The following CPT1A variants were observed in gnomAD, a reference collection of about 807,000 sequenced individuals.
CPT1A encodes carnitine palmitoyltransferase 1A.
In CPT1A, 64 loss-of-function variants were observed where a neutral mutation model predicts 100.8. The ratio of observed to expected loss-of-function variants is 0.63; its 90% CI spans 0.52 to 0.78. The LOEUF is 0.78. Among genes scored for constraint, CPT1A ranks in the 30% least tolerant of loss-of-function variants. The pLI is 0.00. For synonymous variants in CPT1A, 363 were observed against 396.0 expected (o/e 0.92, Z 0.99); for missense variants, 802 against 1,034.1 (o/e 0.78, Z 3.08).
intron 1 of CPT1A, among the ~76,000 whole-genome samples, chr11:68,836,459 A>G (rs1857012242): frequency 6.6e-6 from 1 of 151,666 alleles, no homozygotes; most frequent in African/African-American, 2.4e-5. Flanking sequence ...CAGCTTGGGC[A>G]CCAAGGCAAG....
chr11:68,831,374 G>A (rs1279268717), intron 1 of CPT1A, among the ~76,000 whole-genome samples: 2 of 152,120 alleles, frequency 1.3e-5, no homozygotes, highest in African/African-American at 2.4e-5. Flanking sequence ...TTCAAAACAC[G>A]CCCAAGGAAA....
intron 18 of CPT1A, 87 bp from the exon 19 acceptor site, chr11:68,757,817 GT>G (rs1946721155): frequency 4.5e-6 from 5 of 1,122,132 alleles, no homozygotes; most frequent in Non-Finnish European, 6.7e-6. Flanking sequence ...CTGACCCAAT[GT>G]TTCATTGAAA....
upstream of CPT1A, among the ~76,000 whole-genome samples, chr11:68,843,851 G>C (rs1467479870): frequency 1.3e-5 from 2 of 152,164 alleles, no homozygotes; most frequent in Non-Finnish European, 2.9e-5. The surrounding 1 kb of genome is among the most constrained non-coding windows in gnomAD (Gnocchi z 4.0). Context: ...CCTTGCACGT[G>C]GGCCTTCGCG....
At chr11:68,832,021 G>A (rs939585010) in intron 1 of CPT1A, among the ~76,000 whole-genome samples, 1 of 152,162 alleles carries the variant, frequency 6.6e-6, no homozygotes, top group African/African-American at 2.4e-5. Flanking sequence ...ACTAGCATTA[G>A]ATCATTTAAT....
At chr11:68,766,036 T>A (rs2153995732) in intron 14 of CPT1A, among the ~76,000 whole-genome samples, 1 of 152,160 alleles carries the variant, frequency 6.6e-6, no homozygotes, top group East Asian at 1.9e-4. Flanking sequence ...CATACCTGGA[T>A]AATTTTTGTA....
chr11:68,823,508 G>A (rs968088286), intron 1 of CPT1A, among the ~76,000 whole-genome samples: 5 of 152,136 alleles, frequency 3.3e-5, no homozygotes, highest in African/African-American at 1.2e-4. Flanking sequence ...AATGAAATTG[G>A]CCGGGCACGG....
chr11:68,768,851 A>C (rs956169286), intron 14 of CPT1A, among the ~76,000 whole-genome samples: 14 of 152,116 alleles, frequency 9.2e-5, no homozygotes, highest in Admixed American at 8.5e-4. Flanking sequence ...CAGTCCTGCC[A>C]TGGGGCCCCT....
Position 68,794,903 on chromosome 11 carries a change from C to T in CPT1A, c.780G>A (p.Leu260=). Residue 260 remains leucine (L), a synonymous_variant, in exon 8 of 19, where the codon CTG becomes CTA. Transcript: ENST00000265641. ...VNSNYYAMDL[L]YILPTHIQAA... is the part of the protein sequence containing the mutation. ...CCTGAATGTGAGTTGGAAGGATATA[C>T]AGCAGATCCTGAAAAGCGACAAAGG... The T allele has an allele frequency of 1.2e-6, 2 of 1,614,002 alleles. No individual in the cohort carries two copies. Among genetic ancestry groups the T allele is most frequent in the Middle Eastern group, 1.6e-4 (1 of 6,062 alleles).
At chr11:68,770,011 G>A (rs1344460997) in intron 14 of CPT1A, among the ~76,000 whole-genome samples, 5 of 150,586 alleles carry the variant, frequency 3.3e-5, no homozygotes, top group Non-Finnish European at 7.4e-5. Context: ...AGTGAGCCGA[G>A]ATCGTGCCAC....
intron 2 of CPT1A, among the ~76,000 whole-genome samples, chr11:68,814,975 C>T (rs991831233): frequency 9.2e-5 from 14 of 152,194 alleles, no homozygotes; most frequent in African/African-American, 3.1e-4. Context: ...GTGTGAGCCA[C>T]TGCACCTGGC....
chr11:68,761,348 G>A (rs531172260), intron 16 of CPT1A, among the ~76,000 whole-genome samples, 187 bp downstream of exon 16: 5 of 151,404 alleles, frequency 3.3e-5, no homozygotes, highest in Non-Finnish European at 5.9e-5. Flanking sequence ...ATGTGACAGC[G>A]AAGTTTTTGA....
At chr11:68,794,754 T>C in intron 8 of CPT1A, 50 bp downstream of exon 8, 1 of 1,417,428 alleles carries the variant, frequency 7.1e-7, no homozygotes, top group Admixed American at 1.7e-5. Flanking sequence ...CAATTATACC[T>C]CTGTAAAGCT....
rs142361020 is a variant in CPT1A at position 68,773,886 on chromosome 11, C to T, written c.1576-457G>A. On this transcript the variant is annotated intron_variant, in intron 13 of 18. Coordinates refer to ENST00000265641, the MANE Select transcript of CPT1A (RefSeq NM_001876.4). ...GCACTGAGAGGCAAAATGGCGGCGT[C>T]TAACTGGACTATGAGCTTCCTCCAG... is the stretch of plus-strand genomic sequence containing the variant. 237 of 259,104 alleles carry T rather than the reference C, an allele frequency of 9.1e-4. 11 individuals are homozygous for T. The East Asian group carries it at 0.022, about 24-fold the overall frequency. 16.1% of individuals were successfully genotyped at this position (259,104 alleles called of 1,614,324 possible).
chr11:68,794,875 C>G lies in CPT1A; in HGVS notation c.808G>C (p.Ala270Pro). 6.2e-7 allele frequency: 1 copy of G among 1,614,174 alleles called. No homozygotes were observed. The highest frequency in any genetic ancestry group is 8.5e-7 in the Non-Finnish European group (1 of 1,180,032). The change falls in exon 8 of 19, where the codon GCA (alanine) becomes CCA (proline). Residue 270 changes from alanine to proline, a missense_variant. By Grantham distance (27) the Ala-to-Pro change is conservative. This residue lies in a region of CPT1A where 627 missense variants were observed against 799.3 expected (regional missense o/e 0.78). Transcript: ENST00000265641. Reference sequence around the variant, plus strand: ...GCATGGATGGCGTTGCCGGCTCTTGCTGCCTGAATGTGAGTTGGAAGGATA... The same window carrying G: ...GCATGGATGGCGTTGCCGGCTCTTGGTGCCTGAATGTGAGTTGGAAGGATA... ...LYILPTHIQA[A>P]RAGNAIHAIL...
intron 12 of CPT1A, among the ~76,000 whole-genome samples, chr11:68,778,942 C>G (rs1283828982): frequency 6.6e-6 from 1 of 151,842 alleles, no homozygotes; most frequent in African/African-American, 2.4e-5. Context: ...CCAGCCACCA[C>G]GCCCGGCTAA....
At chr11:68,774,808 A>G (rs991872776) in intron 13 of CPT1A, among the ~76,000 whole-genome samples, 1 of 151,538 alleles carries the variant, frequency 6.6e-6, no homozygotes, top group Non-Finnish European at 1.5e-5. Context: ...AAGAAAAAGA[A>G]AATGGTATCT....
At chr11:68,790,163 C>A (rs1855575009) in intron 9 of CPT1A, among the ~76,000 whole-genome samples, 1 of 151,954 alleles carries the variant, frequency 6.6e-6, no homozygotes, top group Admixed American at 6.6e-5. Context: ...CTCCACCTCC[C>A]AGGCTCAAGT....
chr11:68,785,045 G>A (rs1181316862), intron 9 of CPT1A, 35 bp from the exon 10 acceptor site: 8 of 1,605,088 alleles, frequency 5.0e-6, no homozygotes, highest in Non-Finnish European at 6.8e-6. Context: ...ACAAAACCAA[G>A]AGTCCCAAGT....
chr11:68,768,062 CAG>C (rs1226314808), intron 14 of CPT1A, among the ~76,000 whole-genome samples: 5 of 115,408 alleles, frequency 4.3e-5, no homozygotes, highest in African/African-American at 2.0e-4. Context: ...TTCTAGTTTC[CAG>C]TCTTTTTTTT....
Sources: gnomAD v4.1 joint callset for allele counts (sites outside exome capture counted in the v4.1 genomes callset) on GRCh38, gnomAD v4.1.1 for gene constraint, gnomAD v4.1.1 regional missense constraint, Gnocchi (gnomAD v3.1) non-coding constraint, MANE v1.5 for transcripts, NCBI Gene and HGNC (gene_info 2026-07-23, HGNC 2026-07-21) for gene names.